TSACC: variants seen among roughly 807,000 people sequenced by gnomAD.
The protein encoded by TSACC is TSSK6 activating cochaperone.
In TSACC, 3 loss-of-function variants were observed where a neutral mutation model predicts 6.9. The ratio of observed to expected loss-of-function variants is 0.43; its 90% CI spans 0.20 to 1.12. The LOEUF is 1.12. TSACC is among the 50% of genes most tolerant of loss of function. The pLI is 0.28. For synonymous variants in TSACC, 54 were observed against 55.1 expected (o/e 0.98, Z 0.09); for missense variants, 137 against 143.9 (o/e 0.95, Z 0.24).
At chr1:156,344,783 C>T (rs951151881) in intron 3 of TSACC, 75 bp downstream of exon 3, 7 of 1,542,518 alleles carry the variant, frequency 4.5e-6, no homozygotes, top group South Asian at 1.2e-5. Context: ...CTTGAGCTGT[C>T]GCCTATTGAT....
chr1:156,346,344 G>A (rs1412873107), intron 3 of TSACC, among the ~76,000 whole-genome samples: 1 of 152,086 alleles, frequency 6.6e-6, no homozygotes, highest in Non-Finnish European at 1.5e-5. Flanking sequence ...GGGAAGGTAG[G>A]CCTCCCTCCC....
At chr1:156,338,303 G>C (rs1364342248), upstream of TSACC, 4 of 963,570 alleles carry the variant, frequency 4.2e-6, no homozygotes, top group Non-Finnish European at 6.4e-6. Flanking sequence ...ACCTCAACCC[G>C]CTACTCTCAA....
Position 156,339,706 on chromosome 1 carries a change from GATC to G in TSACC, c.-48_-46del, listed in dbSNP as rs1665744735. The G allele has an allele frequency of 6.2e-7, 1 of 1,609,686 alleles. No homozygotes were observed. Among genetic ancestry groups the G allele is most frequent in the Non-Finnish European group, 8.5e-7 (1 of 1,176,640 alleles). On this transcript the variant is annotated 5_prime_UTR_variant, in exon 2 of 4. Coordinates refer to ENST00000368254, the MANE Select transcript of TSACC (RefSeq NM_001304817.2). ...AGTGAAAATACTAACATGGATTGTT[GATC>G]ATCTGATGCTATGATTCTTTCCCAG...
intron 3 of TSACC, among the ~76,000 whole-genome samples, chr1:156,346,193 CAAAAAA>C (rs60688957): frequency 5.6e-5 from 3 of 53,604 alleles, no homozygotes; most frequent in South Asian, 6.6e-4. Flanking sequence ...ACTCCGTCTC[CAAAAAA>C]AAAAAAAAAA....
At chr1:156,341,754 C>G (rs188644934) in intron 2 of TSACC, among the ~76,000 whole-genome samples, 3 of 152,108 alleles carry the variant, frequency 2.0e-5, no homozygotes, top group Non-Finnish European at 2.9e-5. Context: ...TTCTTCAAAC[C>G]TTATAACCCA....
chr1:156,346,691 G>A lies in TSACC; in HGVS notation c.164-77G>A, dbSNP rs1459108218. Reference sequence around the variant, plus strand: ...AAGATTGGAGAGGTCATTTTATTAGGGTCCTTCCAACCTCAGTACAATTAC... The same window carrying A: ...AAGATTGGAGAGGTCATTTTATTAGAGTCCTTCCAACCTCAGTACAATTAC... On this transcript the variant is annotated intron_variant, in intron 3 of 3. Transcript: ENST00000368254. 2.1e-6 allele frequency: 3 copies of A among 1,414,718 alleles called. No individual in the cohort carries two copies. The African/African-American group carries it at 4.2e-5, about 20-fold the overall frequency. 87.6% of individuals were successfully genotyped at this position (1,414,718 alleles called of 1,614,324 possible).
upstream of TSACC, chr1:156,338,293 A>C (rs1570944643): frequency 1.9e-6 from 2 of 1,049,086 alleles, no homozygotes; most frequent in Non-Finnish European, 2.9e-6. Context: ...CAGGGCTTAC[A>C]CCTCAACCCG....
chr1:156,344,303 T>A (rs929808597), intron 2 of TSACC, among the ~76,000 whole-genome samples: 9 of 152,212 alleles, frequency 5.9e-5, no homozygotes, highest in Non-Finnish European at 5.9e-5. Context: ...AACCATGTCT[T>A]AACACATCTT....
chr1:156,338,865 G>C (rs2101694390), intron 1 of TSACC: 1 of 153,192 alleles, frequency 6.5e-6, no homozygotes, highest in Non-Finnish European at 1.5e-5. Flanking sequence ...ACTAATGGCT[G>C]TATGTGGACT....
At chr1:156,346,019 C>A (rs1235826136) in intron 3 of TSACC, among the ~76,000 whole-genome samples, 1 of 151,414 alleles carries the variant, frequency 6.6e-6, no homozygotes, top group East Asian at 1.9e-4. Flanking sequence ...CGTGGTGAAA[C>A]CTCGTCTCTA....
intron 1 of TSACC, 123 bp from the exon 2 acceptor site, chr1:156,339,511 A>G (rs1665695581): frequency 4.2e-6 from 2 of 471,640 alleles, no homozygotes; most frequent in African/African-American, 2.0e-5. Context: ...TGTCCAGAAA[A>G]AAAAGGAAGC....
intron 1 of TSACC, chr1:156,338,814 T>C: frequency 6.5e-6 from 1 of 153,956 alleles, no homozygotes; most frequent in South Asian, 1.9e-4. Context: ...CTGCGCAGCC[T>C]TTTTCCGGGC....
At chr1:156,344,163 T>A (rs1323565135) in intron 2 of TSACC, among the ~76,000 whole-genome samples, 2 of 152,206 alleles carry the variant, frequency 1.3e-5, no homozygotes, top group African/African-American at 4.8e-5. Context: ...AATCACATAG[T>A]ATAACTAACA....
rs1666071130 is a variant in TSACC, at chr1:156,344,647, T to C, written c.102T>C (p.Asn34=). Reference sequence around the variant, plus strand: ...CAAAACCCTCCCCCAGCTATATTAATCTTCAAGCAAGTTCCCCACCAGCCA... The same window carrying C: ...CAAAACCCTCCCCCAGCTATATTAACCTTCAAGCAAGTTCCCCACCAGCCA... ...CRAKPSPSYI[N]LQASSPPATF... Residue 34 remains asparagine, a synonymous_variant, in exon 3 of 4, where the codon AAT becomes AAC. Coordinates refer to ENST00000368254, the MANE Select transcript of TSACC (RefSeq NM_001304817.2). 1.9e-6 allele frequency: 3 copies of C among 1,613,968 alleles called. No individual in the cohort carries two copies. Among genetic ancestry groups the C allele is most frequent in the Admixed American group, 3.3e-5 (2 of 59,996 alleles).
intron 3 of TSACC, among the ~76,000 whole-genome samples, chr1:156,346,441 A>G (rs1310898545): frequency 6.6e-6 from 1 of 152,160 alleles, no homozygotes; most frequent in African/African-American, 2.4e-5. Flanking sequence ...AAATCAGATA[A>G]AAATCCTTGC....
upstream of TSACC, chr1:156,338,228 G>T: frequency 6.4e-7 from 1 of 1,563,990 alleles, no homozygotes; most frequent in Non-Finnish European, 8.7e-7. Context: ...GGGGGAACCG[G>T]CAGAACCTTC....
chr1:156,344,848 T>A (rs1666083101), intron 3 of TSACC, 140 bp downstream of exon 3: 2 of 1,059,462 alleles, frequency 1.9e-6, no homozygotes, highest in Non-Finnish European at 2.7e-6. Context: ...AGCTTGTTGA[T>A]TATTTAGTTT....
At chr1:156,342,414 T>C (rs181255303) in intron 2 of TSACC, among the ~76,000 whole-genome samples, 35 of 152,336 alleles carry the variant, frequency 2.3e-4, no homozygotes, top group African/African-American at 7.7e-4. Context: ...TCAGTTTTCA[T>C]AGGCTCAGTG....
At chr1:156,343,472 G>C (rs1666005566) in intron 2 of TSACC, among the ~76,000 whole-genome samples, 1 of 152,108 alleles carries the variant, frequency 6.6e-6, no homozygotes, top group Non-Finnish European at 1.5e-5. Flanking sequence ...TAGCCAAATA[G>C]CTTTCACTGG....
Sources: gnomAD v4.1 joint callset for allele counts (sites outside exome capture counted in the v4.1 genomes callset) on GRCh38, gnomAD v4.1.1 for gene constraint, MANE v1.5 for transcripts, NCBI Gene and HGNC (gene_info 2026-07-23, HGNC 2026-07-21) for gene names.